Variants in CLASP2 observed in about 807,000 individuals in gnomAD.
CLASP2 encodes cytoplasmic linker associated protein 2, also known as CLIP-associating protein 2.
In CLASP2, 47 loss-of-function variants were observed where a neutral mutation model predicts 194.4. The observed-to-expected ratio is 0.24, with a 90% CI of 0.19 to 0.31. The LOEUF (loss-of-function observed/expected upper bound fraction) is 0.31. Among genes scored for constraint, CLASP2 ranks in the 10% least tolerant of loss-of-function variants. CLASP2 has a pLI of 1.00. For synonymous variants in CLASP2, 619 were observed against 633.5 expected, an observed-to-expected ratio of 0.98 and a Z score of 0.34; for missense variants, 1,445 against 1,823.6, an observed-to-expected ratio of 0.79 and a Z score of 3.78.
At chr3:33,602,495 A>T (rs759351984) in intron 18 of CLASP2, 2 of 744,006 alleles carry the variant, frequency 2.7e-6, no homozygotes, top group Non-Finnish European at 2.5e-6. Context: ...ACATGAAGAA[A>T]TCAAACTGAA....
At chr3:33,658,929 G>C (rs540524611) in intron 7 of CLASP2, 1 of 1,468,108 alleles carries the variant, frequency 6.8e-7, no homozygotes, top group African/African-American at 1.4e-5. Flanking sequence ...ACCTTAAAAG[G>C]AAGTGTATAA....
chr3:33,689,771 T>C, intron 3 of CLASP2, 58 bp downstream of exon 3: 1 of 1,208,182 alleles, frequency 8.3e-7, no homozygotes, highest in South Asian at 1.6e-5. Context: ...TTGCTGTGGC[T>C]TTAATGATTT....
At chr3:33,661,217 C>T (rs2085253613) in intron 7 of CLASP2, among the ~76,000 whole-genome samples, 1 of 152,144 alleles carries the variant, frequency 6.6e-6, no homozygotes, top group Admixed American at 6.5e-5. Flanking sequence ...CCAACTGTAA[C>T]CACATTGTAT....
intron 37 of CLASP2, among the ~76,000 whole-genome samples, chr3:33,507,176 ATTTG>A (rs1456473886): frequency 6.6e-6 from 1 of 152,052 alleles, no homozygotes. Flanking sequence ...ACCTCAGGTG[ATTTG>A]CCTGCCTCAG....
chr3:33,572,253 A>C (rs752486020), intron 25 of CLASP2, among the ~76,000 whole-genome samples: 52 of 152,320 alleles, frequency 3.4e-4, no homozygotes, highest in Non-Finnish European at 6.5e-4. Context: ...GCTGAATCTA[A>C]TATTAACTTA....
At chr3:33,535,986 T>G (rs76755933) in intron 33 of CLASP2, among the ~76,000 whole-genome samples, 1 of 151,626 alleles carries the variant, frequency 6.6e-6, no homozygotes. Flanking sequence ...CCAAAAGAAT[T>G]TGGGTACATA....
chr3:33,626,730 A>C (rs2154287591), intron 10 of CLASP2, among the ~76,000 whole-genome samples: 1 of 152,236 alleles, frequency 6.6e-6, no homozygotes, highest in South Asian at 2.1e-4. Context: ...CATTTTACTA[A>C]CCAGTCAAAA....
chr3:33,613,701 C>G lies in CLASP2; in HGVS notation c.1318-1630G>C, dbSNP rs112618018. On this transcript the variant is annotated intron_variant, in intron 12 of 38. Transcript: ENST00000682230. Reference sequence around the variant, plus strand: ...ATTCAGCATGAAAGGACTCTGTGGACCTGCTCCCTACAGCATTCACAAGAG... The same window carrying G: ...ATTCAGCATGAAAGGACTCTGTGGAGCTGCTCCCTACAGCATTCACAAGAG... 6.6e-5 allele frequency among the ~76,000 whole-genome samples: 10 copies of G among 152,296 alleles called. 1 individual carries two copies. The highest frequency in any genetic ancestry group is 1.9e-4 in the African/African-American group (8 of 41,562).
chr3:33,615,689 T>C (rs1348758475), intron 12 of CLASP2, among the ~76,000 whole-genome samples: 2 of 151,962 alleles, frequency 1.3e-5, no homozygotes, highest in South Asian at 2.1e-4. Flanking sequence ...CAACTACCTA[T>C]ATAAAGTGAT....
intron 6 of CLASP2, among the ~76,000 whole-genome samples, chr3:33,669,579 T>C (rs1054950029): frequency 3.4e-5 from 5 of 149,166 alleles, no homozygotes; most frequent in African/African-American, 1.2e-4. Context: ...AAAAGAGAAC[T>C]CAATTTAAAA....
chr3:33,522,578 C>A (rs1335671327), intron 34 of CLASP2, among the ~76,000 whole-genome samples: 2 of 152,042 alleles, frequency 1.3e-5, no homozygotes, highest in Non-Finnish European at 2.9e-5. Context: ...AGAAACTGCC[C>A]TTGAAAAAGA....
rs771235034 is a variant in CLASP2 at position 33,588,588 on chromosome 3, T to C, written c.2069-3668A>G. 9.7e-5 allele frequency: 55 copies of C among 565,692 alleles called. No individual in the cohort carries two copies. The African/African-American group carries it at 1.0e-3, about 10-fold the overall frequency. 35.0% of individuals were successfully genotyped at this position (565,692 alleles called of 1,614,324 possible). ...TCACAATTGGCAATTTCTGCCCCAGTATGACTACAAATGATAGACTATGAC... is the reference window on the plus strand; with the variant it reads ...TCACAATTGGCAATTTCTGCCCCAGCATGACTACAAATGATAGACTATGAC... On this transcript the variant is annotated intron_variant, in intron 21 of 38. Coordinates refer to ENST00000682230, the MANE Select transcript of CLASP2 (RefSeq NM_001365631.1).
At position 33,576,185 on chromosome 3, in the gene CLASP2, G is replaced by A. The variant is rs1459542277; in HGVS notation, c.2438C>T (p.Ala813Val). The part of the protein sequence containing the change: ...VLNTGSDVEE[A>V]VADALKKPAR... Reference sequence around the variant, plus strand: ...GAAGAGTACCAAGGCATCTGCCACCGCCTCCTCCACATCAGAACCTGTGTT... The same window carrying A: ...GAAGAGTACCAAGGCATCTGCCACCACCTCCTCCACATCAGAACCTGTGTT... Residue 813 changes from alanine to valine, a missense_variant, in exon 24 of 39, where the codon GCG becomes GTG. By Grantham distance (64) the Ala-to-Val change is moderately conservative. This residue lies in a region of CLASP2 where 732 missense variants were observed against 987.9 expected (regional missense o/e 0.74). Transcript: ENST00000682230. The A allele has an allele frequency of 5.6e-6, 9 of 1,613,180 alleles. No individual in the cohort carries two copies. Among genetic ancestry groups the A allele is most frequent in the South Asian group, 3.3e-5 (3 of 91,036 alleles).
At chr3:33,671,414 T>C (rs2087168772) in intron 6 of CLASP2, among the ~76,000 whole-genome samples, 1 of 152,294 alleles carries the variant, frequency 6.6e-6, no homozygotes, top group African/African-American at 2.4e-5. Flanking sequence ...GAAGATATGT[T>C]GGAATTACCA....
At chr3:33,601,212 G>A (rs934457827) in intron 18 of CLASP2, among the ~76,000 whole-genome samples, 6 of 151,928 alleles carry the variant, frequency 3.9e-5, no homozygotes, top group South Asian at 2.1e-4. Flanking sequence ...CACCTGTCTC[G>A]GCCTCCCAAA....
intron 38 of CLASP2, among the ~76,000 whole-genome samples, chr3:33,499,757 A>C (rs1051016799): frequency 3.3e-5 from 5 of 152,208 alleles, no homozygotes; most frequent in African/African-American, 4.8e-5. Context: ...TAGGTGTTAC[A>C]CGATATGCTG....
At position 33,623,175 on chromosome 3, in the gene CLASP2, A is replaced by G. The variant is rs150153596; in HGVS notation, c.1036-895T>C. On this transcript the variant is annotated intron_variant, in intron 10 of 38. Coordinates refer to ENST00000682230, the MANE Select transcript of CLASP2 (RefSeq NM_001365631.1). ...TGTACATTTTTATGAAGTACATGTG[A>G]TATTTTGATAAAAGCACACAATGTG... 3.8e-3 allele frequency among the ~76,000 whole-genome samples: 583 copies of G among 152,318 alleles called. 2 individuals are homozygous for G. Among genetic ancestry groups the G allele is most frequent in the Non-Finnish European group, 7.0e-3 (474 of 68,024 alleles).
chr3:33,697,410 A>AG (rs1338239817), intron 1 of CLASP2, among the ~76,000 whole-genome samples: 2 of 152,218 alleles, frequency 1.3e-5, no homozygotes, highest in African/African-American at 2.4e-5. Flanking sequence ...AAAATACTCT[A>AG]GGCAACTGAT....
At chr3:33,672,115 G>A (rs1254974628) in intron 6 of CLASP2, among the ~76,000 whole-genome samples, 2 of 152,246 alleles carry the variant, frequency 1.3e-5, no homozygotes, top group Non-Finnish European at 2.9e-5. Context: ...GGCAGCTGGA[G>A]ATCTGAGAAC....
Sources: gnomAD v4.1 joint callset for allele counts (sites outside exome capture counted in the v4.1 genomes callset) on GRCh38, gnomAD v4.1.1 for gene constraint, gnomAD v4.1.1 regional missense constraint, MANE v1.5 for transcripts, NCBI Gene and HGNC (gene_info 2026-07-23, HGNC 2026-07-21) for gene names.